Variants in FHOD3 observed in about 807,000 individuals in gnomAD.
The protein encoded by FHOD3 is formin homology 2 domain containing 3, also known as FH1/FH2 domain-containing protein 3.
Under a neutral mutation model 173.0 loss-of-function variants are expected in FHOD3, and 90 were observed. The observed-to-expected ratio is 0.52, with a 90% CI of 0.44 to 0.62. The LOEUF (loss-of-function observed/expected upper bound fraction) is 0.62. Among genes scored for constraint, FHOD3 ranks in the 20% least tolerant of loss-of-function variants. The probability of loss-of-function intolerance (pLI) is 0.00; values close to 1 mark genes in which losing one functional copy is unlikely to be tolerated. For missense variants in FHOD3, 1,945 were observed against 2,034.7 expected (o/e 0.96, Z 0.85); for synonymous variants, 828 against 823.0 (o/e 1.01, Z -0.10).
In FHOD3 at chr18:36,402,506, TACACAC is replaced by T. The variant is rs146120105; in HGVS notation, c.337+29796_337+29801del. Among the ~76,000 whole-genome samples, 125 of 143,990 alleles carry T rather than the reference TACACAC, an allele frequency of 8.7e-4. 1 individual carries two copies. Among genetic ancestry groups the T allele is most frequent in the African/African-American group, 2.5e-3 (98 of 38,692 alleles). 94.5% of individuals were successfully genotyped at this position (143,990 alleles called of 152,430 possible). On this transcript the variant is annotated intron_variant, in intron 3 of 28. Transcript: ENST00000590592. Reference sequence around the variant, plus strand: ...AGTGATATATAATGTGATGCAATTATACACACACACACACACACACACACACACACA... The same window carrying T: ...AGTGATATATAATGTGATGCAATTATACACACACACACACACACACACACA...
chr18:36,709,418 G>T, intron 18 of FHOD3, 27 bp downstream of exon 18: 2 of 1,595,182 alleles, frequency 1.3e-6, no homozygotes, highest in East Asian at 2.2e-5. Flanking sequence ...GTTTCAGTCG[G>T]CATGTGCCAG....
intron 3 of FHOD3, among the ~76,000 whole-genome samples, chr18:36,411,654 A>G (rs1027206561): frequency 6.6e-6 from 1 of 152,238 alleles, no homozygotes; most frequent in Admixed American, 6.5e-5. Context: ...TGTTTGCAGT[A>G]CAAAATAGAG....
intron 14 of FHOD3, among the ~76,000 whole-genome samples, chr18:36,665,710 G>A (rs1402642285): frequency 6.6e-6 from 1 of 152,168 alleles, no homozygotes. Context: ...TAGAGAAGAG[G>A]CAAGTGTGCA....
chr18:36,348,240 C>T (rs1335513061), intron 1 of FHOD3, among the ~76,000 whole-genome samples: 1 of 152,218 alleles, frequency 6.6e-6, no homozygotes, highest in Non-Finnish European at 1.5e-5. Context: ...AGCTTCATGG[C>T]TGCCTAGCAA....
At chr18:36,629,059 T>TC (rs1216166203) in intron 10 of FHOD3, among the ~76,000 whole-genome samples, 5 of 152,302 alleles carry the variant, frequency 3.3e-5, no homozygotes, top group South Asian at 4.1e-4. Flanking sequence ...CAGCTTTCAG[T>TC]CATGTGTATA....
At chr18:36,331,115 C>T (rs927665287) in intron 1 of FHOD3, among the ~76,000 whole-genome samples, 2 of 152,116 alleles carry the variant, frequency 1.3e-5, no homozygotes, top group Non-Finnish European at 2.9e-5. Context: ...CAAATCTTTC[C>T]CATTTTCTTT....
In FHOD3 at chr18:36,528,928, T is replaced by TG. The variant is rs141966909; in HGVS notation, c.511+16390dup. Among the ~76,000 whole-genome samples the TG allele has an allele frequency of 3.4e-4, 52 of 152,258 alleles. No homozygotes were observed. The East Asian group carries it at 5.4e-3, about 16-fold the overall frequency. On this transcript the variant is annotated intron_variant, in intron 5 of 28. Transcript: ENST00000590592. ...CTCATTTCTCGCACACTCACTGCCC[T>TG]GGGGGTGGGTTGGCATTAGCTGGAC... is the stretch of plus-strand genomic sequence containing the variant.
At chr18:36,726,735 C>T (rs909503341) in intron 19 of FHOD3, among the ~76,000 whole-genome samples, 6 of 151,926 alleles carry the variant, frequency 3.9e-5, no homozygotes, top group East Asian at 1.9e-4. Flanking sequence ...AGTGCAGTGG[C>T]GTAAACTCTG....
intron 15 of FHOD3, among the ~76,000 whole-genome samples, chr18:36,686,084 C>T (rs1053255668): frequency 6.6e-6 from 1 of 152,006 alleles, no homozygotes; most frequent in African/African-American, 2.4e-5. Flanking sequence ...CCATTTGACC[C>T]AGCAATCCGA....
intron 3 of FHOD3, among the ~76,000 whole-genome samples, chr18:36,448,577 C>T (rs2051636806): frequency 6.6e-6 from 1 of 152,266 alleles, no homozygotes; most frequent in East Asian, 1.9e-4. Context: ...GCATTTTATA[C>T]ACAAGGCTCC....
At position 36,425,195 on chromosome 18, in the gene FHOD3, ATTAG is replaced by A. The variant is rs1280474526; in HGVS notation, c.337+52455_337+52458del. Among the ~76,000 whole-genome samples, 4 of 152,200 alleles carry A rather than the reference ATTAG, an allele frequency of 2.6e-5. No individual in the cohort carries two copies. The East Asian group carries it at 5.8e-4, about 22-fold the overall frequency. On this transcript the variant is annotated intron_variant, in intron 3 of 28. Coordinates refer to ENST00000590592, the MANE Select transcript of FHOD3 (RefSeq NM_001281740.3). Reference sequence around the variant, plus strand: ...TATATTGTTACAATTGTTGTCTTTTATTAGTTATTGTTGCTAATCTCTTATTGTG... The same window carrying A: ...TATATTGTTACAATTGTTGTCTTTTATTATTGTTGCTAATCTCTTATTGTG...
intron 8 of FHOD3, 59 bp from the exon 9 acceptor site, chr18:36,611,891 CCT>C: frequency 6.6e-7 from 1 of 1,526,286 alleles, no homozygotes. Context: ...TGGAAAATGC[CCT>C]GAGAGCCTCA....
At chr18:36,521,792 C>T (rs1239608019) in intron 5 of FHOD3, among the ~76,000 whole-genome samples, 1 of 152,122 alleles carries the variant, frequency 6.6e-6, no homozygotes, top group East Asian at 1.9e-4. Flanking sequence ...GGGTGAAATC[C>T]CAGGCCTTCT....
At chr18:36,398,975 CTCAT>C (rs1014567990) in intron 3 of FHOD3, among the ~76,000 whole-genome samples, 3 of 152,104 alleles carry the variant, frequency 2.0e-5, no homozygotes, top group African/African-American at 7.2e-5. Context: ...TAGCTCTGAA[CTCAT>C]TCTTCTGGGA....
chr18:36,726,152 G>A (rs888053108), intron 19 of FHOD3, among the ~76,000 whole-genome samples: 1 of 149,974 alleles, frequency 6.7e-6, no homozygotes, highest in African/African-American at 2.4e-5. Context: ...TTTTATATAT[G>A]TAAATATACA....
chr18:36,473,610 A>G (rs1447652442), intron 3 of FHOD3, among the ~76,000 whole-genome samples: 3 of 152,344 alleles, frequency 2.0e-5, no homozygotes, highest in East Asian at 1.9e-4. Context: ...ACTTCTGAAC[A>G]TGTTCAGAAT....
chr18:36,554,609 T>C (rs1014932629), intron 5 of FHOD3, among the ~76,000 whole-genome samples: 5 of 152,204 alleles, frequency 3.3e-5, no homozygotes, highest in Non-Finnish European at 7.3e-5. Flanking sequence ...GTTGTGCACA[T>C]GTACCCTAGA....
intron 6 of FHOD3, among the ~76,000 whole-genome samples, chr18:36,578,767 G>T (rs76353906): frequency 0.016 from 2,425 of 152,266 alleles, 33 homozygotes; most frequent in Middle Eastern, 0.027. Context: ...TCCTTGTGTG[G>T]TTGGAAGGGC....
intron 11 of FHOD3, among the ~76,000 whole-genome samples, chr18:36,651,034 ATTTG>A (rs2036014072): frequency 6.6e-6 from 1 of 152,108 alleles, no homozygotes; most frequent in Admixed American, 6.5e-5. Flanking sequence ...TCTGGATGTT[ATTTG>A]TTCTCTGGCG....
Sources: gnomAD v4.1 joint callset for allele counts (sites outside exome capture counted in the v4.1 genomes callset) on GRCh38, gnomAD v4.1.1 for gene constraint, MANE v1.5 for transcripts, NCBI Gene and HGNC (gene_info 2026-07-23, HGNC 2026-07-21) for gene names.